Variants in NHS observed in about 807,000 individuals in gnomAD.
NHS encodes the protein NHS actin remodeling regulator, also known as actin remodeling regulator NHS.
A neutral mutation model predicts 72.5 loss-of-function variants in NHS; 5 were observed. That is an observed-to-expected ratio of 0.07 (90% CI 0.04 to 0.14). The LOEUF (loss-of-function observed/expected upper bound fraction) is 0.14, where lower values mean the gene tolerates loss of function less well. Among genes scored for constraint, NHS ranks in the 10% least tolerant of loss-of-function variants. NHS has a pLI of 1.00. For missense variants in NHS, 1,072 were observed against 1,355.7 expected, an observed-to-expected ratio of 0.79 and a Z score of 3.29; for synonymous variants, 464 against 547.7, an observed-to-expected ratio of 0.85 and a Z score of 2.13.
chrX:17,560,269 C>T (rs192851775), intron 1 of NHS, among the ~76,000 whole-genome samples: 40 of 112,021 alleles, frequency 3.6e-4, no homozygotes, highest in African/African-American at 1.2e-3. Flanking sequence ...CATACTTTCA[C>T]GTTGATTCAT....
At chrX:17,444,947 T>C (rs2064771766) in intron 1 of NHS, among the ~76,000 whole-genome samples, 1 of 110,941 alleles carries the variant, frequency 9.0e-6, no homozygotes, top group Non-Finnish European at 1.9e-5. Context: ...CATTTACTTA[T>C]GATGGCTTTT....
chrX:17,551,964 G>A (rs1329678073), intron 1 of NHS, among the ~76,000 whole-genome samples: 1 of 111,869 alleles, frequency 8.9e-6, no homozygotes, highest in Non-Finnish European at 1.9e-5. Flanking sequence ...TGTGCCAGGT[G>A]TTTTACACAT....
At chrX:17,478,780 G>A (rs912451061) in intron 1 of NHS, among the ~76,000 whole-genome samples, 2 of 112,081 alleles carry the variant, frequency 1.8e-5, no homozygotes, top group Non-Finnish European at 3.8e-5. Context: ...TGCTGGAAAT[G>A]TTCTGCATCT....
chrX:17,668,750 T>C (rs760884649), intron 1 of NHS, among the ~76,000 whole-genome samples: 1 of 108,925 alleles, frequency 9.2e-6, no homozygotes, highest in African/African-American at 3.4e-5. Context: ...AGCAGGGGAG[T>C]GGGGAAGTGA....
chrX:17,475,116 C>T (rs1049750344), intron 1 of NHS, among the ~76,000 whole-genome samples: 8 of 111,721 alleles, frequency 7.2e-5, no homozygotes, highest in African/African-American at 1.3e-4. Context: ...ATGACTCAAC[C>T]ACTTATAAAT....
chrX:17,607,980 A>C (rs139673688), intron 1 of NHS, among the ~76,000 whole-genome samples: 1,654 of 98,642 alleles, frequency 0.017, 49 homozygotes, highest in African/African-American at 0.059. Flanking sequence ...GTTCAGTGGC[A>C]CGATCATAGC....
chrX:17,636,745 G>T (rs2065850274), intron 1 of NHS, among the ~76,000 whole-genome samples: 2 of 112,075 alleles, frequency 1.8e-5, no homozygotes, highest in African/African-American at 6.5e-5. Flanking sequence ...TGATGATGGG[G>T]AAGCACTGTT....
intron 1 of NHS, among the ~76,000 whole-genome samples, chrX:17,662,271 G>T (rs1217583633): frequency 8.9e-6 from 1 of 112,038 alleles, no homozygotes; most frequent in Non-Finnish European, 1.9e-5. Flanking sequence ...GTGACAGCAT[G>T]AGAAGTTAAG....
chrX:17,621,509 A>G (rs182909899), intron 1 of NHS, among the ~76,000 whole-genome samples: 2 of 112,168 alleles, frequency 1.8e-5, no homozygotes, highest in African/African-American at 6.5e-5. Flanking sequence ...TCAGATTCTG[A>G]ATGTTTAACC....
intron 1 of NHS, among the ~76,000 whole-genome samples, chrX:17,604,123 T>C (rs2065666597): frequency 9.1e-6 from 1 of 110,399 alleles, no homozygotes; most frequent in East Asian, 2.8e-4. Context: ...AAATATATAT[T>C]AATAAATTAC....
chrX:17,404,138 T>A (rs1026915200), intron 1 of NHS, among the ~76,000 whole-genome samples: 3 of 112,205 alleles, frequency 2.7e-5, no homozygotes, highest in Non-Finnish European at 5.6e-5. Context: ...ATGGGCATTG[T>A]TTATAAGGAG....
rs758986478 is a variant in NHS, at chrX:17,492,073, T to TA, written c.565+115758dup. On this transcript the variant is annotated intron_variant, in intron 1 of 8. Coordinates refer to ENST00000676302, the MANE Select transcript of NHS (RefSeq NM_001291867.2). ...AGTCTATCTATTTTGTTGATCTTTTTAAAAAAACAGCTCTTGGATTCATTG... is the reference window on the plus strand; with the variant it reads ...AGTCTATCTATTTTGTTGATCTTTTTAAAAAAAACAGCTCTTGGATTCATTG... Among the ~76,000 whole-genome samples the TA allele has an allele frequency of 3.3e-3, 369 of 111,172 alleles. 4 individuals carry two copies. Among genetic ancestry groups the TA allele is most frequent in the African/African-American group, 0.011 (345 of 30,606 alleles).
At position 17,672,243 on chromosome X, in the gene NHS, T is replaced by C. The variant is rs765031373; in HGVS notation, c.566-15499T>C. 1.6e-4 allele frequency among the ~76,000 whole-genome samples: 18 copies of C among 112,089 alleles called. No individual in the cohort carries two copies. In the South Asian group the frequency reaches 6.8e-3, roughly 42 times the overall value. On this transcript the variant is annotated intron_variant, in intron 1 of 8. Coordinates refer to ENST00000676302, the MANE Select transcript of NHS (RefSeq NM_001291867.2). ...GTTTTGCCTCATTGGTGGGTAGCTCTTCTCCTAGCTGGAATTGAAGGATGC... is the reference window on the plus strand; with the variant it reads ...GTTTTGCCTCATTGGTGGGTAGCTCCTCTCCTAGCTGGAATTGAAGGATGC...
chrX:17,611,174 G>C (rs2065709671), intron 1 of NHS, among the ~76,000 whole-genome samples: 1 of 112,360 alleles, frequency 8.9e-6, no homozygotes, highest in Admixed American at 9.4e-5. Flanking sequence ...CCCTTGTTTT[G>C]GTTGGTTATT....
chrX:17,513,972 G>A (rs1472831535), intron 1 of NHS, among the ~76,000 whole-genome samples: 1 of 112,067 alleles, frequency 8.9e-6, no homozygotes, highest in African/African-American at 3.2e-5. Context: ...TCACAATCAT[G>A]GCAGAAGGCA....
chrX:17,680,642 A>C (rs1400034947), intron 1 of NHS, among the ~76,000 whole-genome samples: 1 of 112,221 alleles, frequency 8.9e-6, no homozygotes, highest in East Asian at 2.8e-4. Flanking sequence ...ATTATACTTT[A>C]AGTTCTGGGG....
chrX:17,636,780 C>T (rs997992596), intron 1 of NHS, among the ~76,000 whole-genome samples: 8 of 112,184 alleles, frequency 7.1e-5, no homozygotes, highest in African/African-American at 1.6e-4. Context: ...TACTTAAGAT[C>T]GCTCAGGAGA....
At chrX:17,700,086 G>C (rs772256931) in intron 3 of NHS, among the ~76,000 whole-genome samples, 1 of 111,245 alleles carries the variant, frequency 9.0e-6, no homozygotes, top group South Asian at 3.8e-4. Context: ...GATGTGAACA[G>C]ACAATTCAGA....
chrX:17,691,398 A>G (rs898591041), intron 2 of NHS, among the ~76,000 whole-genome samples: 1 of 112,347 alleles, frequency 8.9e-6, no homozygotes, highest in Non-Finnish European at 1.9e-5. Flanking sequence ...CTTTGGAGGC[A>G]GTTTAGCAAA....
Sources: gnomAD v4.1 joint callset for allele counts (sites outside exome capture counted in the v4.1 genomes callset) on GRCh38, gnomAD v4.1.1 for gene constraint, MANE v1.5 for transcripts, NCBI Gene and HGNC (gene_info 2026-07-23, HGNC 2026-07-21) for gene names.